The following EYS variants were observed in gnomAD, a reference collection of about 807,000 sequenced individuals.
EYS encodes the protein protein eyes shut homolog.
A neutral mutation model predicts 282.1 loss-of-function variants in EYS; 250 were observed. The observed-to-expected ratio is 0.89, with a 90% CI of 0.80 to 0.98. The LOEUF is 0.98. Ranked by LOEUF, EYS falls within the 50% of genes least tolerant of loss-of-function variation. EYS has a pLI of 0.00. For synonymous variants in EYS, 1,355 were observed against 1,282.9 expected, an observed-to-expected ratio of 1.06 and a Z score of -1.20; for missense variants, 4,016 against 3,709.0, an observed-to-expected ratio of 1.08 and a Z score of -2.15.
chr6:64,908,813 A>G (rs1343439472), intron 16 of EYS, among the ~76,000 whole-genome samples: 1 of 152,214 alleles, frequency 6.6e-6, no homozygotes, highest in African/African-American at 2.4e-5. Flanking sequence ...ACAAGACTCA[A>G]AGGTGGGTAC....
At chr6:64,863,944 AT>A (rs1266888505) in intron 19 of EYS, among the ~76,000 whole-genome samples, 1 of 152,112 alleles carries the variant, frequency 6.6e-6, no homozygotes, top group African/African-American at 2.4e-5. Flanking sequence ...TCTGATCTCT[AT>A]TATCTGTATG....
chr6:65,575,913 A>AAAC (rs970980362), intron 2 of EYS, among the ~76,000 whole-genome samples: 1 of 152,102 alleles, frequency 6.6e-6, no homozygotes, highest in Non-Finnish European at 1.5e-5. Context: ...AGTTTGATCA[A>AAAC]AACAACAACA....
At chr6:64,966,043 G>A (rs1206159752) in intron 14 of EYS, among the ~76,000 whole-genome samples, 6 of 151,988 alleles carry the variant, frequency 3.9e-5, no homozygotes, top group Admixed American at 3.9e-4. Context: ...TGCGAAATGG[G>A]TATAAAGGGT....
intron 30 of EYS, among the ~76,000 whole-genome samples, chr6:64,292,196 C>G (rs1343110474): frequency 6.6e-6 from 1 of 152,128 alleles, no homozygotes; most frequent in African/African-American, 2.4e-5. Flanking sequence ...CAGTTAAGCT[C>G]TCTAGTTCCC....
chr6:64,010,523 G>C (rs1018339796), intron 33 of EYS, among the ~76,000 whole-genome samples: 3 of 151,840 alleles, frequency 2.0e-5, no homozygotes, highest in Non-Finnish European at 4.4e-5. Flanking sequence ...GTTTTTTCAG[G>C]CCCTTTCATA....
chr6:64,598,147 A>G (rs755870999), intron 24 of EYS, among the ~76,000 whole-genome samples: 34 of 152,210 alleles, frequency 2.2e-4, no homozygotes, highest in Non-Finnish European at 3.7e-4. Context: ...TAATGGATAC[A>G]GAATGCATGT....
chr6:64,740,261 AT>A (rs1157989594), intron 22 of EYS, among the ~76,000 whole-genome samples: 1 of 152,018 alleles, frequency 6.6e-6, no homozygotes, highest in South Asian at 2.1e-4. Flanking sequence ...ACTTTATTCT[AT>A]TGTTTCTACT....
intron 13 of EYS, among the ~76,000 whole-genome samples, chr6:65,043,656 T>C (rs916840703): frequency 2.0e-5 from 3 of 151,472 alleles, no homozygotes; most frequent in African/African-American, 7.3e-5. Flanking sequence ...TTTCTTTCAG[T>C]GTCTGGATTA....
chr6:63,823,379 A>G (rs780558121), intron 36 of EYS, among the ~76,000 whole-genome samples: 49 of 152,186 alleles, frequency 3.2e-4, no homozygotes, highest in Non-Finnish European at 5.7e-4. Flanking sequence ...GTGACTTTTA[A>G]AATAGTACAT....
chr6:63,997,369 A>C (rs1419287045), intron 34 of EYS, among the ~76,000 whole-genome samples: 1 of 152,180 alleles, frequency 6.6e-6, no homozygotes, highest in African/African-American at 2.4e-5. Flanking sequence ...AGAGAATCTC[A>C]CCACATATAG....
intron 12 of EYS, among the ~76,000 whole-genome samples, chr6:65,242,433 T>C (rs771585718): frequency 3.9e-5 from 6 of 152,134 alleles, no homozygotes; most frequent in Non-Finnish European, 4.4e-5. Flanking sequence ...GGTTAGTCCA[T>C]TTAGTGGCAT....
chr6:65,289,443 G>GT (rs1339408392), intron 12 of EYS, among the ~76,000 whole-genome samples: 3 of 150,912 alleles, frequency 2.0e-5, no homozygotes, highest in Non-Finnish European at 3.0e-5. Flanking sequence ...GAAACACTGA[G>GT]TTTTTTCTTG....
At chr6:63,786,378 G>A (rs772443375) in intron 39 of EYS, among the ~76,000 whole-genome samples, 20 of 151,824 alleles carry the variant, frequency 1.3e-4, no homozygotes, top group Non-Finnish European at 2.5e-4. Flanking sequence ...GCTTTGCTTC[G>A]TTATGATTAA....
At chr6:64,937,088 T>C (rs1026951174) in intron 15 of EYS, among the ~76,000 whole-genome samples, 10 of 151,462 alleles carry the variant, frequency 6.6e-5, no homozygotes, top group African/African-American at 1.9e-4. Context: ...AACTGGATAT[T>C]CATGTGTAGA....
chr6:64,640,883 G>A (rs7754204), intron 22 of EYS, among the ~76,000 whole-genome samples: 4,084 of 152,182 alleles, frequency 0.027, 199 homozygotes, highest in African/African-American at 0.093. Flanking sequence ...ATTGGAACAC[G>A]AAGCTCAGAA....
At chr6:64,561,940 A>T (rs1765408269) in intron 26 of EYS, among the ~76,000 whole-genome samples, 3 of 142,464 alleles carry the variant, frequency 2.1e-5, no homozygotes, top group East Asian at 2.1e-4. Context: ...AAAAAAAAAG[A>T]GCTCCAATCC....
chr6:64,413,361 A>G (rs929604622), intron 28 of EYS, among the ~76,000 whole-genome samples: 5 of 152,036 alleles, frequency 3.3e-5, no homozygotes, highest in African/African-American at 7.2e-5. Context: ...ATGTCCAAAC[A>G]TCTATAAATT....
At chr6:63,794,547 T>G (rs879154727) in intron 37 of EYS, among the ~76,000 whole-genome samples, 3 of 152,228 alleles carry the variant, frequency 2.0e-5, no homozygotes, top group Admixed American at 2.0e-4. Context: ...TGGAATTTCT[T>G]GTAATGGGAC....
intron 2 of EYS, among the ~76,000 whole-genome samples, chr6:65,513,431 C>T (rs1443396118): frequency 6.6e-6 from 1 of 152,288 alleles, no homozygotes; most frequent in African/African-American, 2.4e-5. Flanking sequence ...TCCTCCCTAA[C>T]TCATTTTAGG....
Sources: gnomAD v4.1 joint callset for allele counts (sites outside exome capture counted in the v4.1 genomes callset) on GRCh38, gnomAD v4.1.1 for gene constraint, MANE v1.5 for transcripts, NCBI Gene and HGNC (gene_info 2026-07-23, HGNC 2026-07-21) for gene names.